Variants in CBLB observed in about 807,000 individuals in gnomAD.
The protein encoded by CBLB is E3 ubiquitin-protein ligase CBL-B.
In CBLB, 31 loss-of-function variants were observed where a neutral mutation model predicts 104.9. That is an observed-to-expected ratio of 0.30 (90% CI 0.22 to 0.40). The LOEUF is 0.40. Ranked by LOEUF, CBLB falls within the 10% of genes least tolerant of loss-of-function variation. CBLB has a pLI of 1.00. For missense variants in CBLB, 1,062 were observed against 1,214.6 expected, an observed-to-expected ratio of 0.87 and a Z score of 1.87; for synonymous variants, 440 against 422.6, an observed-to-expected ratio of 1.04 and a Z score of -0.51.
chr3:105,860,126 C>G (rs2091973446), intron 2 of CBLB, among the ~76,000 whole-genome samples: 1 of 152,126 alleles, frequency 6.6e-6, no homozygotes, highest in Non-Finnish European at 1.5e-5. Flanking sequence ...ATGGAACTTC[C>G]TTGAAAGTGA....
intron 8 of CBLB, among the ~76,000 whole-genome samples, chr3:105,734,346 A>G (rs544306917): frequency 6.6e-6 from 1 of 152,334 alleles, no homozygotes; most frequent in Admixed American, 6.5e-5. Flanking sequence ...AACTTTTATC[A>G]TCTATCTTAC....
intron 3 of CBLB, among the ~76,000 whole-genome samples, chr3:105,838,252 T>C (rs2088918067): frequency 2.3e-5 from 2 of 87,390 alleles, no homozygotes; most frequent in East Asian, 4.5e-4. Context: ...CCTGGCTATT[T>C]TTTTTTTTTT....
At chr3:105,680,482 T>C (rs1057408501) in intron 16 of CBLB, among the ~76,000 whole-genome samples, 3 of 152,196 alleles carry the variant, frequency 2.0e-5, no homozygotes, top group East Asian at 1.9e-4. Context: ...ATCCAGGTGA[T>C]GAAGATCTGG....
intron 14 of CBLB, 157 bp from the exon 15 acceptor site, chr3:105,681,975 A>C: frequency 6.6e-6 from 4 of 604,386 alleles, no homozygotes; most frequent in Non-Finnish European, 8.8e-6. Context: ...CAAGATACTC[A>C]TCCCTTATTT....
intron 3 of CBLB, among the ~76,000 whole-genome samples, chr3:105,785,409 T>C (rs900248040): frequency 3.3e-5 from 5 of 152,336 alleles, no homozygotes; most frequent in African/African-American, 9.6e-5. Flanking sequence ...TGAGACCTTT[T>C]ATTTTCTCTC....
chr3:105,801,116 C>T (rs999562038), intron 3 of CBLB, among the ~76,000 whole-genome samples: 3 of 151,910 alleles, frequency 2.0e-5, no homozygotes, highest in Non-Finnish European at 4.4e-5. Context: ...AGGCTGAAAA[C>T]CAAATTTTTT....
At position 105,728,275 on chromosome 3, in the gene CBLB, T is replaced by TA. The variant is rs559368531; in HGVS notation, c.1203+5733dup. Among the ~76,000 whole-genome samples, 263 of 152,156 alleles carry TA rather than the reference T, an allele frequency of 1.7e-3. 1 individual carries two copies. The highest frequency in any genetic ancestry group is 6.2e-3 in the African/African-American group (258 of 41,522). Reference sequence around the variant, plus strand: ...GCAGCTTCAGCAAAGTCTCAGGATATAAAATCTATGTGCAAAAATAACAAA... The same window carrying TA: ...GCAGCTTCAGCAAAGTCTCAGGATATAAAAATCTATGTGCAAAAATAACAAA... On this transcript the variant is annotated intron_variant, in intron 9 of 18. Transcript: ENST00000394030.
At chr3:105,759,554 C>A (rs934713645) in intron 4 of CBLB, among the ~76,000 whole-genome samples, 1 of 152,184 alleles carries the variant, frequency 6.6e-6, no homozygotes, top group Non-Finnish European at 1.5e-5. Flanking sequence ...CCCTCCAGTG[C>A]TCCTTGGTCC....
At chr3:105,701,731 C>A (rs1337665575) in intron 12 of CBLB, among the ~76,000 whole-genome samples, 1 of 151,052 alleles carries the variant, frequency 6.6e-6, no homozygotes, top group Non-Finnish European at 1.5e-5. Context: ...CCACTGCACT[C>A]CAGCCTGGGG....
chr3:105,667,539 TG>T (rs1466806725), intron 18 of CBLB, among the ~76,000 whole-genome samples: 3 of 152,222 alleles, frequency 2.0e-5, no homozygotes, highest in Non-Finnish European at 4.4e-5. Context: ...GGACTACCTA[TG>T]ATACGTTCAT....
At chr3:105,863,897 G>A (rs1436208578) in intron 2 of CBLB, among the ~76,000 whole-genome samples, 4 of 152,148 alleles carry the variant, frequency 2.6e-5, no homozygotes, top group African/African-American at 9.7e-5. Flanking sequence ...ATCCATGTAT[G>A]CTCAGTACAT....
chr3:105,856,974 A>C (rs1231711560), intron 2 of CBLB, among the ~76,000 whole-genome samples: 2 of 152,210 alleles, frequency 1.3e-5, no homozygotes, highest in Non-Finnish European at 2.9e-5. Flanking sequence ...AGTATACATA[A>C]ATACCAAGAA....
In CBLB at chr3:105,678,423, C is replaced by G; in HGVS notation, c.2569+8G>C. 1 of 1,613,688 alleles carries G rather than the reference C, an allele frequency of 6.2e-7. No individual in the cohort carries two copies. On this transcript the variant is annotated splice_region_variant and intron_variant, in intron 17 of 18. Transcript: ENST00000394030. ...AGTGAATAGTTTTCTTTGGCTTTTC[C>G]CTCCTACCTGAAGGAAGAAGAAAAA...
At chr3:105,664,095 T>TTTCTTTTTCTATA (rs1264390229) in intron 18 of CBLB, among the ~76,000 whole-genome samples, 1 of 152,144 alleles carries the variant, frequency 6.6e-6, no homozygotes, top group Non-Finnish European at 1.5e-5. Context: ...TGGGTTGGGT[T>TTTCTTTTTCTATA]TTCTTTTTCT....
At chr3:105,743,244 G>A (rs1196891513) in intron 6 of CBLB, among the ~76,000 whole-genome samples, 3 of 151,924 alleles carry the variant, frequency 2.0e-5, no homozygotes, top group African/African-American at 7.2e-5. Flanking sequence ...GATCATTTGA[G>A]GCCAGGAGTT....
chr3:105,823,878 C>A (rs1278141754), intron 3 of CBLB, among the ~76,000 whole-genome samples: 1 of 152,084 alleles, frequency 6.6e-6, no homozygotes, highest in Non-Finnish European at 1.5e-5. Flanking sequence ...TATAATGTCT[C>A]CATCACTCTC....
intron 3 of CBLB, among the ~76,000 whole-genome samples, chr3:105,811,367 G>C (rs1489536702): frequency 6.6e-6 from 1 of 152,204 alleles, no homozygotes; most frequent in Non-Finnish European, 1.5e-5. Flanking sequence ...TGGGCAGACA[G>C]CAATATAGAG....
chr3:105,771,976 T>C (rs2078924434), intron 4 of CBLB, among the ~76,000 whole-genome samples: 1 of 152,118 alleles, frequency 6.6e-6, no homozygotes, highest in African/African-American at 2.4e-5. Flanking sequence ...CTCCATGCAA[T>C]TCCCATCAAA....
intron 3 of CBLB, among the ~76,000 whole-genome samples, chr3:105,782,174 C>A (rs1461869206): frequency 1.3e-5 from 2 of 152,260 alleles, no homozygotes; most frequent in East Asian, 3.9e-4. Flanking sequence ...AAAACTGGAT[C>A]CTTACCCATT....
Sources: gnomAD v4.1 joint callset for allele counts (sites outside exome capture counted in the v4.1 genomes callset) on GRCh38, gnomAD v4.1.1 for gene constraint, MANE v1.5 for transcripts, NCBI Gene and HGNC (gene_info 2026-07-23, HGNC 2026-07-21) for gene names.